The following TNRC6B variants were observed in gnomAD, a reference collection of about 807,000 sequenced individuals.
The protein encoded by TNRC6B is trinucleotide repeat containing adaptor 6B.
A neutral mutation model predicts 203.6 loss-of-function variants in TNRC6B; 52 were observed. The ratio of observed to expected loss-of-function variants is 0.26; its 90% CI spans 0.20 to 0.32. TNRC6B has a LOEUF of 0.32. TNRC6B is among the 10% of genes least tolerant of loss of function. TNRC6B has a pLI of 1.00. For missense variants in TNRC6B, 1,923 were observed against 2,286.2 expected (o/e 0.84, Z 3.24); for synonymous variants, 838 against 845.7 (o/e 0.99, Z 0.16).
At chr22:40,063,056 A>G (rs1419617064) in intron 1 of TNRC6B, among the ~76,000 whole-genome samples, 1 of 152,204 alleles carries the variant, frequency 6.6e-6, no homozygotes, top group African/African-American at 2.4e-5. Context: ...TATAGTTTTA[A>G]CTCTTACATT....
chr22:40,079,492 A>C (rs2068047575), intron 1 of TNRC6B, among the ~76,000 whole-genome samples: 1 of 152,050 alleles, frequency 6.6e-6, no homozygotes, highest in Non-Finnish European at 1.5e-5. Context: ...ATTCCTATAA[A>C]ATTTATATTC....
intron 19 of TNRC6B, 40 bp from the exon 20 acceptor site, chr22:40,315,243 C>T (rs759272445): frequency 1.0e-5 from 16 of 1,539,450 alleles, no homozygotes; most frequent in Admixed American, 1.7e-5. Context: ...AAAAGTGAAC[C>T]GTCTAACCTT....
intron 4 of TNRC6B, among the ~76,000 whole-genome samples, chr22:40,170,630 AACAT>A (rs1266667984): frequency 1.6e-5 from 2 of 128,838 alleles, no homozygotes; most frequent in South Asian, 2.3e-4. Flanking sequence ...TACATATATG[AACAT>A]ACATACATAT....
chr22:40,099,766 T>A (rs967304315), intron 1 of TNRC6B, among the ~76,000 whole-genome samples: 2 of 152,218 alleles, frequency 1.3e-5, no homozygotes, highest in Non-Finnish European at 2.9e-5. Flanking sequence ...TTATTTATTT[T>A]TTGAAACGGA....
chr22:40,221,720 T>C (rs1750894179), intron 1 of TNRC6B, among the ~76,000 whole-genome samples: 1 of 150,380 alleles, frequency 6.6e-6, no homozygotes, highest in South Asian at 2.1e-4. Flanking sequence ...ATTACAGGTG[T>C]GAGCCACCAC....
At chr22:40,182,059 A>G (rs770464651) in intron 1 of TNRC6B, among the ~76,000 whole-genome samples, 1 of 151,970 alleles carries the variant, frequency 6.6e-6, no homozygotes. Context: ...CCTGGACAAT[A>G]TGGTGAACCC....
At chr22:40,081,268 T>A (rs1301335674) in intron 1 of TNRC6B, among the ~76,000 whole-genome samples, 1 of 151,972 alleles carries the variant, frequency 6.6e-6, no homozygotes, top group Non-Finnish European at 1.5e-5. Context: ...AATTCTTCAA[T>A]GTATCCAGGG....
chr22:40,308,740 A>G (rs1217194552), intron 16 of TNRC6B, 91 bp downstream of exon 16: 1 of 1,442,824 alleles, frequency 6.9e-7, no homozygotes, highest in African/African-American at 1.4e-5. Context: ...AGAACTTGGT[A>G]TTCATTTTCC....
intron 14 of TNRC6B, 36 bp downstream of exon 14, chr22:40,301,041 TGGA>T: frequency 6.3e-7 from 1 of 1,599,076 alleles, no homozygotes; most frequent in Non-Finnish European, 8.5e-7. Flanking sequence ...AGTGCTGTGT[TGGA>T]GGAGTACATC....
At chr22:40,315,746 C>T (rs2071248932) in intron 20 of TNRC6B, among the ~76,000 whole-genome samples, 196 bp from the exon 21 acceptor site, 1 of 151,900 alleles carries the variant, frequency 6.6e-6, no homozygotes, top group African/African-American at 2.4e-5. Context: ...GAGGAAAATA[C>T]TGTCTTGCAA....
intron 3 of TNRC6B, among the ~76,000 whole-genome samples, chr22:40,138,536 G>C (rs1601835952): frequency 6.6e-6 from 1 of 152,218 alleles, no homozygotes; most frequent in Non-Finnish European, 1.5e-5. Flanking sequence ...AAAGTGCTGG[G>C]ATTACAGGCA....
intron 1 of TNRC6B, among the ~76,000 whole-genome samples, chr22:40,187,494 G>A (rs1356572163): frequency 6.6e-6 from 1 of 152,104 alleles, no homozygotes; most frequent in Non-Finnish European, 1.5e-5. Context: ...TGGTGCAGAG[G>A]CTTACACTTA....
intron 2 of TNRC6B, among the ~76,000 whole-genome samples, chr22:40,247,749 A>G (rs2070128158): frequency 6.6e-6 from 1 of 152,156 alleles, no homozygotes; most frequent in African/African-American, 2.4e-5. Flanking sequence ...AGAATTGCCT[A>G]AAATTCTGGA....
intron 19 of TNRC6B, among the ~76,000 whole-genome samples, chr22:40,313,204 G>A (rs2071210318): frequency 6.6e-6 from 1 of 152,140 alleles, no homozygotes; most frequent in African/African-American, 2.4e-5. Context: ...TACAGCTTTG[G>A]GATGAGGCCG....
chr22:40,046,295 T>G (rs1335084135), intron 1 of TNRC6B, among the ~76,000 whole-genome samples: 1 of 152,222 alleles, frequency 6.6e-6, no homozygotes, highest in East Asian at 1.9e-4. Context: ...AGCGGAACTT[T>G]TAGCGCATTG....
intron 1 of TNRC6B, among the ~76,000 whole-genome samples, chr22:40,064,941 A>G (rs926262677): frequency 7.2e-5 from 11 of 152,102 alleles, no homozygotes; most frequent in Non-Finnish European, 1.3e-4. Context: ...ATAGATTGCT[A>G]TATTTAACTT....
rs2071381628 is a variant in TNRC6B at position 40,324,718 on chromosome 22, T to C, written c.*1477T>C. Reference sequence around the variant, plus strand: ...TACTTCAAGCGTTTCCTTTTGTTTCTCTGTGTTGTGTATTTCCTGTGTATG... The same window carrying C: ...TACTTCAAGCGTTTCCTTTTGTTTCCCTGTGTTGTGTATTTCCTGTGTATG... On this transcript the variant is annotated 3_prime_UTR_variant, in exon 23 of 23. Transcript: ENST00000454349. 3 of 152,682 alleles carry C rather than the reference T, an allele frequency of 2.0e-5. No individual in the cohort carries two copies. Among genetic ancestry groups the C allele is most frequent in the African/African-American group, 4.8e-5 (2 of 41,464 alleles). 9.5% of individuals were successfully genotyped at this position (152,682 alleles called of 1,614,324 possible).
At position 40,301,310 on chromosome 22, in the gene TNRC6B, G is replaced by C; in HGVS notation, c.4097G>C (p.Gly1366Ala). Residue 1366 changes from glycine to alanine, a missense_variant, in exon 15 of 23, where the codon GGG (glycine) becomes GCG (alanine). Physicochemically the swap from Gly to Ala is moderately conservative, Grantham distance 60 (BLOSUM62 0). Coordinates refer to ENST00000454349, the MANE Select transcript of TNRC6B (RefSeq NM_001162501.2). ...GGGCTCCCAGACCTTCAAACCAAAG[G>C]GCCAATACCTGGATATGGTTCTGGT... ...NVGLPDLQTK[G>A]PIPGYGSGFS... 6.2e-7 allele frequency: 1 copy of C among 1,606,466 alleles called. No homozygotes were observed. Among genetic ancestry groups the C allele is most frequent in the Non-Finnish European group, 8.5e-7 (1 of 1,176,050 alleles).
At chr22:40,210,944 C>T (rs2069553263) in intron 1 of TNRC6B, among the ~76,000 whole-genome samples, 1 of 152,128 alleles carries the variant, frequency 6.6e-6, no homozygotes, top group South Asian at 2.1e-4. Flanking sequence ...CCACCTCAGT[C>T]ATGACAAACA....
Sources: gnomAD v4.1 joint callset for allele counts (sites outside exome capture counted in the v4.1 genomes callset) on GRCh38, gnomAD v4.1.1 for gene constraint, MANE v1.5 for transcripts, NCBI Gene and HGNC (gene_info 2026-07-23, HGNC 2026-07-21) for gene names.